The following DAPK1 variants were observed in gnomAD, a reference collection of about 807,000 sequenced individuals.
The protein encoded by DAPK1 is death-associated protein kinase 1.
DAPK1 carries 56 observed loss-of-function variants against 144.9 expected under a neutral mutation model. That is an observed-to-expected ratio of 0.39 (90% CI 0.31 to 0.48). The LOEUF is 0.48. DAPK1 is among the 20% of genes least tolerant of loss of function. The pLI is 0.95. For synonymous variants in DAPK1, 690 were observed against 749.0 expected, an observed-to-expected ratio of 0.92 and a Z score of 1.29; for missense variants, 1,454 against 1,875.4, an observed-to-expected ratio of 0.78 and a Z score of 4.15.
chr9:87,506,453 A>G (rs981253486), intron 2 of DAPK1, among the ~76,000 whole-genome samples: 1 of 152,204 alleles, frequency 6.6e-6, no homozygotes, highest in South Asian at 2.1e-4. Flanking sequence ...GCGTAGTTTT[A>G]TTCAAGTCCC....
chr9:87,632,240 T>A (rs531698094), intron 3 of DAPK1: 1 of 981,482 alleles, frequency 1.0e-6, no homozygotes, highest in South Asian at 4.7e-5. Flanking sequence ...GATCGGTATA[T>A]ATAGGAGTGA....
rs775262422 is a variant in DAPK1, at chr9:87,642,029, A to C, written c.889A>C (p.Lys297Gln). The C allele has an allele frequency of 6.2e-7, 1 of 1,614,146 alleles. No homozygotes were observed. The highest frequency in any genetic ancestry group is 8.5e-7 in the Non-Finnish European group (1 of 1,180,016). ...ATCAGCAGTAAACATGGAGAAATTC[A>C]AGAAGTTTGCAGCCCGGAAAAAATG... is the stretch of plus-strand genomic sequence containing the variant. ...KASAVNMEKFKKFAARKKWKQ... is the reference protein window; with the variant it reads ...KASAVNMEKFQKFAARKKWKQ... Residue 297 changes from lysine (K) to glutamine (Q), a missense_variant, in exon 10 of 26, where the codon AAG (lysine) becomes CAG (glutamine). Transcript: ENST00000408954.
chr9:87,538,820 T>G (rs1053834645), intron 2 of DAPK1, among the ~76,000 whole-genome samples: 3 of 151,362 alleles, frequency 2.0e-5, no homozygotes, highest in African/African-American at 7.4e-5. Context: ...TTATAAACTA[T>G]TGGCTTTTAA....
At chr9:87,583,606 C>A (rs762078681) in intron 2 of DAPK1, among the ~76,000 whole-genome samples, 9 of 151,664 alleles carry the variant, frequency 5.9e-5, no homozygotes, top group Non-Finnish European at 1.3e-4. Context: ...AAGCTTGCGG[C>A]CTTCCCCTTC....
chr9:87,578,684 A>G (rs1036007542), intron 2 of DAPK1, among the ~76,000 whole-genome samples: 1 of 152,176 alleles, frequency 6.6e-6, no homozygotes, highest in Non-Finnish European at 1.5e-5. Flanking sequence ...AAACCAGAAA[A>G]CAATCCCATT....
At chr9:87,644,286 A>G (rs981439952) in intron 11 of DAPK1, among the ~76,000 whole-genome samples, 1 of 152,232 alleles carries the variant, frequency 6.6e-6, no homozygotes, top group Non-Finnish European at 1.5e-5. Context: ...CGAATTCAAC[A>G]AGACTTTCCC....
At chr9:87,573,913 T>C (rs1827454713) in intron 2 of DAPK1, among the ~76,000 whole-genome samples, 1 of 152,206 alleles carries the variant, frequency 6.6e-6, no homozygotes, top group African/African-American at 2.4e-5. Context: ...AAACCTCAAA[T>C]AATAATGACT....
At chr9:87,611,132 G>C (rs1193923047) in intron 3 of DAPK1, among the ~76,000 whole-genome samples, 1 of 152,200 alleles carries the variant, frequency 6.6e-6, no homozygotes, top group Non-Finnish European at 1.5e-5. Flanking sequence ...GATTCTATGG[G>C]AAGGGCAAGA....
rs36211681 is a variant in DAPK1 at position 87,641,231 on chromosome 9, C to T, written c.828+384C>T. ...TGAAGATCTGCTGACACTGAGCCCTCATTCCACGTGGCCTTGGGAAGTGGC... is the reference window on the plus strand; with the variant it reads ...TGAAGATCTGCTGACACTGAGCCCTTATTCCACGTGGCCTTGGGAAGTGGC... On this transcript the variant is annotated intron_variant, in intron 9 of 25. Transcript: ENST00000408954. Among the ~76,000 whole-genome samples, 197 of 152,342 alleles carry T rather than the reference C, an allele frequency of 1.3e-3. 2 individuals are homozygous for T. In the Middle Eastern group the frequency reaches 0.031, roughly 24 times the overall value.
At chr9:87,573,038 G>A (rs1827416808) in intron 2 of DAPK1, among the ~76,000 whole-genome samples, 1 of 152,184 alleles carries the variant, frequency 6.6e-6, no homozygotes, top group South Asian at 2.1e-4. Context: ...AAAACACTGA[G>A]CAAACTGGGG....
upstream of DAPK1, chr9:87,497,729 GCCGCGCA>G (rs1564109835): frequency 1.4e-4 from 37 of 268,406 alleles, no homozygotes; most frequent in Non-Finnish European, 2.0e-4. Context: ...AGCAGCGAGC[GCCGCGCA>G]GAACCCGCAG....
chr9:87,517,434 T>A (rs933691137), intron 2 of DAPK1, among the ~76,000 whole-genome samples: 1 of 152,114 alleles, frequency 6.6e-6, no homozygotes, highest in African/African-American at 2.4e-5. Flanking sequence ...CTCCCCACTG[T>A]TCTCTCCCCC....
intron 2 of DAPK1, among the ~76,000 whole-genome samples, chr9:87,599,789 C>A (rs1007841926): frequency 6.6e-6 from 1 of 152,212 alleles, no homozygotes; most frequent in Non-Finnish European, 1.5e-5. Context: ...ACTGCAAACA[C>A]TAAACCATTG....
rs192242194 is a variant in DAPK1, at chr9:87,619,869, A to T, written c.284+14694A>T. Among the ~76,000 whole-genome samples, 11 of 152,292 alleles carry T rather than the reference A, an allele frequency of 7.2e-5. No individual in the cohort carries two copies. In the East Asian group the frequency reaches 1.7e-3, roughly 24 times the overall value. ...CATGCCCATCACGTAACAGCTGCCA[A>T]TGCATATTTCTGCAAAGAAGGAAAG... On this transcript the variant is annotated intron_variant, in intron 3 of 25. Coordinates refer to ENST00000408954, the MANE Select transcript of DAPK1 (RefSeq NM_004938.4).
intron 19 of DAPK1, among the ~76,000 whole-genome samples, chr9:87,675,792 T>C (rs1206077918): frequency 6.6e-6 from 1 of 150,858 alleles, no homozygotes; most frequent in Admixed American, 6.6e-5. Flanking sequence ...CTCCTACTCC[T>C]GTGTAAATAT....
intron 2 of DAPK1, among the ~76,000 whole-genome samples, chr9:87,510,738 C>T (rs1187531234): frequency 1.3e-5 from 2 of 152,224 alleles, no homozygotes; most frequent in Non-Finnish European, 2.9e-5. Context: ...GAAATTAGAA[C>T]AGTGTTTCAG....
intron 3 of DAPK1, among the ~76,000 whole-genome samples, chr9:87,605,632 G>C (rs1485397480): frequency 6.6e-6 from 1 of 150,842 alleles, no homozygotes; most frequent in Non-Finnish European, 1.5e-5. Flanking sequence ...ATTTTTAACT[G>C]TTAATTCCAT....
intron 18 of DAPK1, among the ~76,000 whole-genome samples, chr9:87,662,487 A>G (rs1830883335): frequency 1.4e-5 from 2 of 140,436 alleles, no homozygotes. Context: ...TGTGTCATCT[A>G]TAATTTGTTT....
At position 87,546,458 on chromosome 9, in the gene DAPK1, A is replaced by G. The variant is rs36231469; in HGVS notation, c.62+47319A>G. ...GTTGGTTAAGGCAGAATTGTGGCCC[A>G]TAGGAGGTAGGGGTGGGTGGTCTGA... On this transcript the variant is annotated intron_variant, in intron 2 of 25. Transcript: ENST00000408954. Among the ~76,000 whole-genome samples the G allele has an allele frequency of 3.2e-3, 485 of 152,252 alleles. 2 individuals carry two copies. The highest frequency in any genetic ancestry group is 0.011 in the African/African-American group (450 of 41,552).
Sources: allele counts gnomAD v4.1 joint callset (sites outside exome capture counted in the v4.1 genomes callset), GRCh38; gene constraint gnomAD v4.1.1; transcripts MANE v1.5; gene names NCBI Gene and HGNC (gene_info 2026-07-23, HGNC 2026-07-21).